The following SLC39A8 variants were observed in gnomAD, a reference collection of about 807,000 sequenced individuals.
The protein encoded by SLC39A8 is solute carrier family 39 member 8.
In SLC39A8, 15 loss-of-function variants were observed where a neutral mutation model predicts 40.4. That is an observed-to-expected ratio of 0.37 (90% CI 0.25 to 0.57). The LOEUF is 0.57. Among genes scored for constraint, SLC39A8 ranks in the 20% least tolerant of loss-of-function variants. The probability of loss-of-function intolerance (pLI) is 0.75; values close to 1 mark genes in which losing one functional copy is unlikely to be tolerated. For synonymous variants in SLC39A8, 223 were observed against 221.6 expected (o/e 1.01, Z -0.06); for missense variants, 472 against 558.8 (o/e 0.84, Z 1.57).
intron 8 of SLC39A8, among the ~76,000 whole-genome samples, chr4:102,264,023 G>C (rs572334100): frequency 6.6e-5 from 10 of 152,270 alleles, no homozygotes; most frequent in Admixed American, 1.3e-4. Context: ...GTTGAAATCA[G>C]CTTCTTTCCA....
chr4:102,286,750 C>T (rs1733200146), intron 6 of SLC39A8, among the ~76,000 whole-genome samples: 1 of 152,058 alleles, frequency 6.6e-6, no homozygotes, highest in African/African-American at 2.4e-5. Flanking sequence ...CAAAATAAAA[C>T]AAATCATAAA....
chr4:102,303,650 T>C (rs554733464), intron 6 of SLC39A8, among the ~76,000 whole-genome samples: 42 of 151,952 alleles, frequency 2.8e-4, no homozygotes, highest in African/African-American at 9.6e-4. Flanking sequence ...TTGGCTGTTC[T>C]ATTAGTCATC....
chr4:102,331,740 G>A (rs1735474618), intron 2 of SLC39A8, among the ~76,000 whole-genome samples: 1 of 152,082 alleles, frequency 6.6e-6, no homozygotes, highest in Non-Finnish European at 1.5e-5. Flanking sequence ...AAAGCTGGAG[G>A]CATCACGCTA....
intron 6 of SLC39A8, among the ~76,000 whole-genome samples, chr4:102,287,010 G>A (rs1429852728): frequency 1.3e-5 from 2 of 152,112 alleles, no homozygotes; most frequent in African/African-American, 4.8e-5. Flanking sequence ...GAACTTGAGG[G>A]AGTCACTGTA....
intron 2 of SLC39A8, among the ~76,000 whole-genome samples, chr4:102,335,134 G>T (rs537885205): frequency 2.0e-5 from 3 of 152,188 alleles, no homozygotes; most frequent in South Asian, 2.1e-4. Flanking sequence ...ATATACTTAC[G>T]TTCTGGGGAA....
At chr4:102,277,772 T>G (rs233829) in intron 6 of SLC39A8, among the ~76,000 whole-genome samples, 47,322 of 152,046 alleles carry the variant, frequency 0.31, 7,653 homozygotes, top group South Asian at 0.37. Context: ...AGCATAGTAC[T>G]GGTACCAAAA....
intron 2 of SLC39A8, among the ~76,000 whole-genome samples, chr4:102,318,425 C>A (rs1044257739): frequency 3.9e-5 from 6 of 152,150 alleles, no homozygotes; most frequent in African/African-American, 1.4e-4. Context: ...GCAAGCCTGA[C>A]TTATTTAAAA....
chr4:102,316,243 A>G (rs568132288), intron 2 of SLC39A8, among the ~76,000 whole-genome samples: 1 of 152,276 alleles, frequency 6.6e-6, no homozygotes, highest in South Asian at 2.1e-4. Flanking sequence ...ATGGCTCTCT[A>G]TAGCATTTCT....
rs1407850770 is a variant in SLC39A8 at position 102,315,688 on chromosome 4, G to A, written c.362C>T (p.Thr121Ile). 1.9e-6 allele frequency: 3 copies of A among 1,611,178 alleles called. No individual in the cohort carries two copies. The highest frequency in any genetic ancestry group is 2.7e-5 in the African/African-American group (2 of 74,802). Reference sequence around the variant, plus strand: ...TATACCTTCTGAATGACTTGGTCTTGTTTTGTGCTTGGGCCGATCCTCACA... The same window carrying A: ...TATACCTTCTGAATGACTTGGTCTTATTTTGTGCTTGGGCCGATCCTCACA... ...HPCEDRPKHKTRPSHSEVWGY... is the reference protein window; with the variant it reads ...HPCEDRPKHKIRPSHSEVWGY... Residue 121 changes from threonine (T) to isoleucine (I), a missense_variant, in exon 3 of 9, where the codon ACA becomes ATA. Around this residue, in one of 4 missense-constraint regions of SLC39A8, gnomAD observed 175 missense variants for 160.5 expected, o/e 1.09. Transcript: ENST00000356736.
At chr4:102,294,085 CTT>C (rs766199376) in intron 6 of SLC39A8, among the ~76,000 whole-genome samples, 2 of 151,700 alleles carry the variant, frequency 1.3e-5, no homozygotes, top group African/African-American at 2.4e-5. Flanking sequence ...ATAAATTAAA[CTT>C]AAAATTTTTG....
chr4:102,283,152 C>G (rs989952361), intron 6 of SLC39A8, among the ~76,000 whole-genome samples: 1 of 150,796 alleles, frequency 6.6e-6, no homozygotes, highest in Non-Finnish European at 1.5e-5. Context: ...AAGCAGATAA[C>G]CTGTTAAAGA....
At chr4:102,279,695 T>A (rs1014480630) in intron 6 of SLC39A8, among the ~76,000 whole-genome samples, 1 of 152,182 alleles carries the variant, frequency 6.6e-6, no homozygotes, top group African/African-American at 2.4e-5. Context: ...CAGCTATAAT[T>A]AATGTTCCTT....
chr4:102,318,490 G>A (rs148143660), intron 2 of SLC39A8, among the ~76,000 whole-genome samples: 38 of 152,260 alleles, frequency 2.5e-4, no homozygotes, highest in African/African-American at 8.7e-4. Flanking sequence ...GCCTATTTCT[G>A]GCTTCAAACA....
intron 2 of SLC39A8, among the ~76,000 whole-genome samples, chr4:102,318,409 T>C (rs141859568): frequency 2.0e-5 from 3 of 152,296 alleles, no homozygotes; most frequent in African/African-American, 7.2e-5. Flanking sequence ...CAGAACTGAA[T>C]TAATGGCAAG....
At chr4:102,288,682 C>G (rs1733292280) in intron 6 of SLC39A8, among the ~76,000 whole-genome samples, 1 of 152,074 alleles carries the variant, frequency 6.6e-6, no homozygotes, top group Non-Finnish European at 1.5e-5. Flanking sequence ...AGCAAAGCAG[C>G]ATTATTGCTG....
chr4:102,317,312 A>G (rs1161357483), intron 2 of SLC39A8, among the ~76,000 whole-genome samples: 1 of 152,204 alleles, frequency 6.6e-6, no homozygotes, highest in Non-Finnish European at 1.5e-5. Flanking sequence ...CAACGCTAAG[A>G]TTACAACTAC....
intron 2 of SLC39A8, among the ~76,000 whole-genome samples, chr4:102,318,377 G>C (rs1734753229): frequency 6.6e-6 from 1 of 152,104 alleles, no homozygotes; most frequent in African/African-American, 2.4e-5. Context: ...AAGAGAATGA[G>C]AACAGAATAC....
rs542713556 is a variant in SLC39A8, at chr4:102,300,125, C to CA, written c.840+4191dup. 1.8e-3 allele frequency among the ~76,000 whole-genome samples: 276 copies of CA among 152,110 alleles called. 1 individual carries two copies. The highest frequency in any genetic ancestry group is 6.5e-3 in the African/African-American group (270 of 41,544). On this transcript the variant is annotated intron_variant, in intron 6 of 8. Transcript: ENST00000356736. Reference sequence around the variant, plus strand: ...CCCCTCTGTGACCCCCACTTTTCCCCAAAAAGCATGCACGTGCCCACACGC... The same window carrying CA: ...CCCCTCTGTGACCCCCACTTTTCCCCAAAAAAGCATGCACGTGCCCACACGC...
chr4:102,329,434 C>T (rs1274338292), intron 2 of SLC39A8, among the ~76,000 whole-genome samples: 1 of 151,744 alleles, frequency 6.6e-6, no homozygotes, highest in Non-Finnish European at 1.5e-5. Context: ...ACCAGCCTGA[C>T]CAATATGGTG....
Sources: allele counts gnomAD v4.1 joint callset (sites outside exome capture counted in the v4.1 genomes callset), GRCh38; gene constraint gnomAD v4.1.1; regional missense constraint gnomAD v4.1.1; transcripts MANE v1.5; gene names NCBI Gene and HGNC (gene_info 2026-07-23, HGNC 2026-07-21).